FAM222B: variants seen among roughly 807,000 people sequenced by gnomAD.
FAM222B encodes the protein protein FAM222B.
Under a neutral mutation model 38.0 loss-of-function variants are expected in FAM222B, and 12 were observed. That is an observed-to-expected ratio of 0.32 (90% CI 0.20 to 0.51). The LOEUF (loss-of-function observed/expected upper bound fraction) is 0.51. Among genes scored for constraint, FAM222B ranks in the 20% least tolerant of loss-of-function variants. The pLI is 0.97. For synonymous variants in FAM222B, 329 were observed against 317.2 expected (o/e 1.04, Z -0.40); for missense variants, 716 against 754.2 (o/e 0.95, Z 0.59).
chr17:28,783,106 C>A (rs1203367031), intron 1 of FAM222B, among the ~76,000 whole-genome samples: 11 of 150,470 alleles, frequency 7.3e-5, no homozygotes, highest in Non-Finnish European at 1.5e-4. Context: ...CCACTGCACT[C>A]CAGCGTGGGT....
chr17:28,830,112 G>C (rs2038611289), intron 1 of FAM222B, among the ~76,000 whole-genome samples: 1 of 148,840 alleles, frequency 6.7e-6, no homozygotes, highest in South Asian at 2.1e-4. Context: ...GCCTCCCAAA[G>C]TGCTGGGATT....
chr17:28,787,175 C>T (rs747777562), intron 1 of FAM222B, among the ~76,000 whole-genome samples: 1 of 152,116 alleles, frequency 6.6e-6, no homozygotes, highest in Admixed American at 6.6e-5. Flanking sequence ...CCACCCTCCT[C>T]GGCCTCCCAA....
chr17:28,784,879 T>G (rs1191974769), intron 1 of FAM222B, among the ~76,000 whole-genome samples: 1 of 151,852 alleles, frequency 6.6e-6, no homozygotes, highest in African/African-American at 2.4e-5. Context: ...GCCTTCTGAG[T>G]AGGTGGGACT....
At chr17:28,789,744 G>A (rs905492893) in intron 1 of FAM222B, among the ~76,000 whole-genome samples, 1 of 152,222 alleles carries the variant, frequency 6.6e-6, no homozygotes, top group African/African-American at 2.4e-5. Flanking sequence ...AGAATTGACT[G>A]AGGCAGAGAA....
Position 28,758,851 on chromosome 17 carries a change from G to C in FAM222B, c.1108C>G (p.Leu370Val). 6.2e-7 allele frequency: 1 copy of C among 1,604,460 alleles called. No individual in the cohort carries two copies. The highest frequency in any genetic ancestry group is 8.5e-7 in the Non-Finnish European group (1 of 1,176,182). ...LKPVTWNQHQLAHLQQMCSEA... is the reference protein window; with the variant it reads ...LKPVTWNQHQVAHLQQMCSEA... Reference sequence around the variant, plus strand: ...CTGCACATCTGCTGTAGGTGGGCCAGCTGGTGCTGGTTCCAGGTGACTGGC... The same window carrying C: ...CTGCACATCTGCTGTAGGTGGGCCACCTGGTGCTGGTTCCAGGTGACTGGC... The change falls in exon 3 of 3, where the codon CTG becomes GTG. Residue 370 changes from leucine to valine, a missense_variant. Physicochemically the swap from Leu to Val is conservative, Grantham distance 32. Coordinates refer to ENST00000581407, the MANE Select transcript of FAM222B (RefSeq NM_001077498.3).
intron 1 of FAM222B, among the ~76,000 whole-genome samples, chr17:28,826,438 T>C (rs935826453): frequency 1.3e-4 from 20 of 149,644 alleles, no homozygotes; most frequent in African/African-American, 4.9e-4. Context: ...CCCAACACTT[T>C]GGGAGGCCGA....
intron 1 of FAM222B, among the ~76,000 whole-genome samples, chr17:28,796,643 T>A (rs1290246993): frequency 6.6e-6 from 1 of 152,118 alleles, no homozygotes; most frequent in African/African-American, 2.4e-5. Flanking sequence ...ACAATTTATC[T>A]TCTTTTAACA....
Position 28,763,417 on chromosome 17 carries a change from G to C in FAM222B, c.82+3169C>G, listed in dbSNP as rs543666337. ...CTGACTAAGGAAGCCCCAACTGCAG[G>C]ACAACCTGGCCTTCAGCCTGAGAGT... On this transcript the variant is annotated intron_variant, in intron 2 of 2. Transcript: ENST00000581407. 3.9e-5 allele frequency among the ~76,000 whole-genome samples: 6 copies of C among 152,364 alleles called. No individual in the cohort carries two copies. The South Asian group carries it at 1.2e-3, about 32-fold the overall frequency.
rs1179186914 is a variant in FAM222B at position 28,798,819 on chromosome 17, G to A, written c.-40-32112C>T. Among the ~76,000 whole-genome samples the A allele has an allele frequency of 6.6e-5, 10 of 151,642 alleles. No homozygotes were observed. The East Asian group carries it at 7.8e-4, about 12-fold the overall frequency. On this transcript the variant is annotated intron_variant, in intron 1 of 2. Coordinates refer to ENST00000581407, the MANE Select transcript of FAM222B (RefSeq NM_001077498.3). ...TTTTTAGTAGAGACAGGGTTTCACC[G>A]TGTTAGCCAGGATAGTCTCGATCTC...
chr17:28,834,481 TG>T (rs2038771586), intron 1 of FAM222B, among the ~76,000 whole-genome samples: 1 of 151,588 alleles, frequency 6.6e-6, no homozygotes, highest in South Asian at 2.1e-4. Context: ...TCTGTATCTT[TG>T]TACAAGCTAT....
chr17:28,833,186 G>A (rs1042515150), intron 1 of FAM222B, among the ~76,000 whole-genome samples: 3 of 151,872 alleles, frequency 2.0e-5, no homozygotes, highest in East Asian at 1.9e-4. Flanking sequence ...GCACGCGCCT[G>A]TAGTCCCAGC....
At chr17:28,844,961 G>A (rs1598068048), upstream of FAM222B, among the ~76,000 whole-genome samples, 2 of 151,498 alleles carry the variant, frequency 1.3e-5, no homozygotes, top group South Asian at 4.2e-4. Context: ...AAATTATCTG[G>A]GCATGGTGGC....
At chr17:28,797,120 A>C (rs999518313) in intron 1 of FAM222B, among the ~76,000 whole-genome samples, 3 of 148,112 alleles carry the variant, frequency 2.0e-5, no homozygotes, top group African/African-American at 7.5e-5. Flanking sequence ...CTCTTGCCTC[A>C]GCCTCCCGAG....
At chr17:28,826,541 C>T (rs550754442) in intron 1 of FAM222B, among the ~76,000 whole-genome samples, 6 of 151,916 alleles carry the variant, frequency 3.9e-5, no homozygotes, top group South Asian at 2.1e-4. Context: ...AACAGCCAGG[C>T]GTGGTGGTGC....
At chr17:28,814,538 T>C (rs1219503388) in intron 1 of FAM222B, among the ~76,000 whole-genome samples, 1 of 152,060 alleles carries the variant, frequency 6.6e-6, no homozygotes, top group Non-Finnish European at 1.5e-5. Context: ...GGTGTAATCT[T>C]GACTCACTGC....
At chr17:28,789,065 T>C (rs1310547627) in intron 1 of FAM222B, among the ~76,000 whole-genome samples, 7 of 114,832 alleles carry the variant, frequency 6.1e-5, no homozygotes, top group Admixed American at 1.1e-4. Context: ...CTTTCTTTTA[T>C]CTCAAAGATA....
intron 1 of FAM222B, among the ~76,000 whole-genome samples, chr17:28,822,559 G>A (rs2038264853): frequency 6.6e-6 from 1 of 150,434 alleles, no homozygotes; most frequent in South Asian, 2.1e-4. Context: ...CCGGGAGGCG[G>A]AGGTTGGAAA....
chr17:28,812,616 C>G (rs1234771977), intron 1 of FAM222B, among the ~76,000 whole-genome samples: 1 of 152,170 alleles, frequency 6.6e-6, no homozygotes, highest in East Asian at 1.9e-4. Context: ...GGCCCGCTAC[C>G]CGCGGACCCG....
At chr17:28,794,597 A>T (rs2151882460) in intron 1 of FAM222B, among the ~76,000 whole-genome samples, 1 of 152,232 alleles carries the variant, frequency 6.6e-6, no homozygotes, top group South Asian at 2.1e-4. Flanking sequence ...ATCCAAATAA[A>T]ATTAAAATTT....
Sources: gnomAD v4.1 joint callset for allele counts (sites outside exome capture counted in the v4.1 genomes callset) on GRCh38, gnomAD v4.1.1 for gene constraint, MANE v1.5 for transcripts, NCBI Gene and HGNC (gene_info 2026-07-23, HGNC 2026-07-21) for gene names.